The following TLCD4 variants were observed in gnomAD, a reference collection of about 807,000 sequenced individuals.
The protein encoded by TLCD4 is TLC domain-containing protein 4.
In TLCD4, 7 loss-of-function variants were observed where a neutral mutation model predicts 24.2. The observed-to-expected ratio is 0.29, with a 90% CI of 0.16 to 0.54. The LOEUF is 0.54. TLCD4 is among the 20% of genes least tolerant of loss of function. TLCD4 has a pLI of 0.95. For synonymous variants in TLCD4, 103 were observed against 106.4 expected, an observed-to-expected ratio of 0.97 and a Z score of 0.20; for missense variants, 259 against 313.9, an observed-to-expected ratio of 0.82 and a Z score of 1.32.
chr1:95,141,792 T>TACACGCACACAC (rs1677203137), intron 1 of TLCD4, among the ~76,000 whole-genome samples: 1 of 138,596 alleles, frequency 7.2e-6, no homozygotes, highest in Non-Finnish European at 1.6e-5. Flanking sequence ...TTTTACCAAG[T>TACACGCACACAC]ACACACACAC....
At chr1:95,163,393 AT>A (rs1677896242) in intron 5 of TLCD4, 1 of 151,260 alleles carries the variant, frequency 6.6e-6, no homozygotes, top group South Asian at 2.1e-4. Context: ...GTAGTTAGCC[AT>A]TCGTCTACTC....
At chr1:95,144,672 T>C (rs1433078618) in intron 2 of TLCD4, among the ~76,000 whole-genome samples, 1 of 151,960 alleles carries the variant, frequency 6.6e-6, no homozygotes, top group East Asian at 1.9e-4. Context: ...TGGAGTTTTA[T>C]TTTTTATTTT....
At chr1:95,148,283 C>T (rs1317239777) in intron 2 of TLCD4, among the ~76,000 whole-genome samples, 1 of 152,174 alleles carries the variant, frequency 6.6e-6, no homozygotes, top group Non-Finnish European at 1.5e-5. Context: ...ATCTGGAAGT[C>T]ATTCCCAGCT....
intron 1 of TLCD4, among the ~76,000 whole-genome samples, chr1:95,121,507 G>C (rs1557676056): frequency 6.6e-6 from 1 of 152,230 alleles, no homozygotes; most frequent in Non-Finnish European, 1.5e-5. Context: ...GTCTCGCTTT[G>C]TCACCCAGGC....
intron 5 of TLCD4, among the ~76,000 whole-genome samples, chr1:95,167,717 T>C (rs1239006835): frequency 6.6e-6 from 1 of 152,198 alleles, no homozygotes; most frequent in Non-Finnish European, 1.5e-5. Flanking sequence ...CAGGATCGAT[T>C]GTATCTTGAG....
intron 5 of TLCD4, among the ~76,000 whole-genome samples, chr1:95,160,383 T>G (rs1677755821): frequency 6.6e-6 from 1 of 152,252 alleles, no homozygotes; most frequent in Non-Finnish European, 1.5e-5. Flanking sequence ...CTGAAGTTGC[T>G]TATCAGCTTA....
intron 1 of TLCD4, among the ~76,000 whole-genome samples, chr1:95,132,281 C>T (rs370547500): frequency 6.6e-6 from 1 of 151,736 alleles, no homozygotes; most frequent in Admixed American, 6.6e-5. Flanking sequence ...ATAGTGAAAC[C>T]CTGTTTCTAC....
At chr1:95,174,168 C>T (rs750870090) in intron 6 of TLCD4, 43 of 444,186 alleles carry the variant, frequency 9.7e-5, no homozygotes, top group Non-Finnish European at 1.5e-4. Context: ...TTCTTTCACC[C>T]TCCACGTTGT....
chr1:95,117,741 G>T (rs1571716585), intron 1 of TLCD4, 124 bp downstream of exon 1: 1 of 151,378 alleles, frequency 6.6e-6, no homozygotes, highest in East Asian at 2.0e-4. Context: ...CCCTGGCCTA[G>T]CGCGGCCGAG....
chr1:95,125,425 G>A (rs1676708134), intron 1 of TLCD4: 1 of 152,180 alleles, frequency 6.6e-6, no homozygotes, highest in Admixed American at 6.5e-5. Flanking sequence ...AGTGCAGTTG[G>A]GACCAGTTTT....
the TLCD4 span, among the ~76,000 whole-genome samples, chr1:95,102,975 T>TAA: frequency 2.9e-5 from 4 of 137,432 alleles, no homozygotes; most frequent in Non-Finnish European, 3.3e-5. Flanking sequence ...AACTACTTTT[T>TAA]AAAAAAAAAA....
Position 95,193,508 on chromosome 1 carries a change from A to C in TLCD4, c.*1640A>C. 6.6e-6 allele frequency: 1 copy of C among 152,122 alleles called. No homozygotes were observed. Among genetic ancestry groups the C allele is most frequent in the East Asian group, 1.9e-4 (1 of 5,190 alleles). The allele number at this position is 152,122 out of a possible 1,614,324, so 9.4% of individuals were successfully genotyped here. A position where few individuals can be genotyped will look rare whatever the true frequency, so the allele number is the denominator to read the frequency against. Reference sequence around the variant, plus strand: ...TAATTGAACTCATACCAAAAGATGTAATCCAGTTTCTCAGTTTGAAGGAGA... The same window carrying C: ...TAATTGAACTCATACCAAAAGATGTCATCCAGTTTCTCAGTTTGAAGGAGA... On this transcript the variant is annotated 3_prime_UTR_variant, in exon 7 of 7. Coordinates refer to ENST00000370203, the MANE Select transcript of TLCD4 (RefSeq NM_152487.3).
chr1:95,167,247 C>T (rs1285198862), intron 5 of TLCD4, among the ~76,000 whole-genome samples: 1 of 152,118 alleles, frequency 6.6e-6, no homozygotes. Flanking sequence ...ATCCTGCCCT[C>T]CATACCACAG....
intron 6 of TLCD4, among the ~76,000 whole-genome samples, chr1:95,191,026 T>TA (rs1557700865): frequency 1.3e-5 from 2 of 152,306 alleles, no homozygotes; most frequent in Admixed American, 1.3e-4. Context: ...TTTGGTGTTG[T>TA]ATCTAAAATA....
intron 6 of TLCD4, among the ~76,000 whole-genome samples, chr1:95,183,126 G>A (rs1294174522): frequency 6.6e-6 from 1 of 152,146 alleles, no homozygotes; most frequent in Non-Finnish European, 1.5e-5. Context: ...GGAGACAAAA[G>A]TTTGGGTTAG....
intron 5 of TLCD4, among the ~76,000 whole-genome samples, chr1:95,170,040 CT>C (rs1678151691): frequency 6.6e-6 from 1 of 152,158 alleles, no homozygotes; most frequent in South Asian, 2.1e-4. Flanking sequence ...AGAATTTTGG[CT>C]GACCTTAGGA....
chr1:95,156,880 G>A (rs1317061187), intron 5 of TLCD4, among the ~76,000 whole-genome samples: 3 of 152,110 alleles, frequency 2.0e-5, no homozygotes, highest in African/African-American at 4.8e-5. Context: ...GGGGAAAGTG[G>A]CCCATATGCC....
chr1:95,119,297 T>C (rs112020261), intron 1 of TLCD4, among the ~76,000 whole-genome samples: 5 of 152,296 alleles, frequency 3.3e-5, no homozygotes, highest in African/African-American at 1.2e-4. Context: ...AGTTGGCCTG[T>C]CTTTTCCTTG....
chr1:95,149,048 C>T (rs1677423840), intron 3 of TLCD4, among the ~76,000 whole-genome samples: 1 of 152,120 alleles, frequency 6.6e-6, no homozygotes, highest in African/African-American at 2.4e-5. Context: ...AACATTTTTA[C>T]TGTGTTAATG....
Sources: gnomAD v4.1 joint callset for allele counts (sites outside exome capture counted in the v4.1 genomes callset) on GRCh38, gnomAD v4.1.1 for gene constraint, MANE v1.5 for transcripts, NCBI Gene and HGNC (gene_info 2026-07-23, HGNC 2026-07-21) for gene names.